SDK1: variants seen among roughly 807,000 people sequenced by gnomAD.
The protein encoded by SDK1 is sidekick cell adhesion molecule 1.
Under a neutral mutation model 245.5 loss-of-function variants are expected in SDK1, and 157 were observed. The ratio of observed to expected loss-of-function variants is 0.64; its 90% CI spans 0.56 to 0.73. The LOEUF (loss-of-function observed/expected upper bound fraction) is 0.73. Among genes scored for constraint, SDK1 ranks in the 30% least tolerant of loss-of-function variants. The pLI is 0.00. For synonymous variants in SDK1, 1,647 were observed against 1,278.5 expected (o/e 1.29, Z -6.15); for missense variants, 3,583 against 3,002.3 (o/e 1.19, Z -4.52).
intron 44 of SDK1, among the ~76,000 whole-genome samples, chr7:4,264,799 A>C (rs528792048): frequency 3.3e-5 from 5 of 151,680 alleles, no homozygotes; most frequent in Admixed American, 3.3e-4. Context: ...GAGACCATGT[A>C]GATTGCTCCT....
chr7:3,358,328 C>G (rs765711962), intron 1 of SDK1, among the ~76,000 whole-genome samples: 2 of 152,056 alleles, frequency 1.3e-5, no homozygotes, highest in Admixed American at 6.5e-5. Flanking sequence ...AGCCCTCATT[C>G]ATTTCTTGTA....
At chr7:4,071,454 C>G (rs7793027) in intron 20 of SDK1, among the ~76,000 whole-genome samples, 10,628 of 152,266 alleles carry the variant, frequency 0.07, 809 homozygotes, top group African/African-American at 0.18. Flanking sequence ...TAGAATTGGA[C>G]ACAATCTGTT....
At chr7:3,888,428 T>C (rs1251208401) in intron 5 of SDK1, among the ~76,000 whole-genome samples, 1 of 152,208 alleles carries the variant, frequency 6.6e-6, no homozygotes, top group African/African-American at 2.4e-5. Flanking sequence ...GCTTATGCTG[T>C]TATTAGTCCT....
intron 8 of SDK1, among the ~76,000 whole-genome samples, chr7:3,959,686 G>C (rs1453819175): frequency 6.6e-6 from 1 of 152,178 alleles, no homozygotes; most frequent in African/African-American, 2.4e-5. Flanking sequence ...TTCTGTGTCT[G>C]AGTTCTCTCA....
intron 19 of SDK1, among the ~76,000 whole-genome samples, chr7:4,065,512 AC>A (rs933269772): frequency 6.6e-6 from 1 of 152,156 alleles, no homozygotes; most frequent in Non-Finnish European, 1.5e-5. Context: ...TGAAAAAAGA[AC>A]AAGTCAGTGC....
At chr7:4,259,590 G>A (rs867564601) in intron 44 of SDK1, among the ~76,000 whole-genome samples, 11 of 152,282 alleles carry the variant, frequency 7.2e-5, no homozygotes, top group South Asian at 2.1e-4. Flanking sequence ...CCGGGCCAGC[G>A]CTTGGCGACC....
chr7:4,206,597 C>G (rs868777451), intron 36 of SDK1, among the ~76,000 whole-genome samples: 2 of 152,162 alleles, frequency 1.3e-5, no homozygotes, highest in Non-Finnish European at 2.9e-5. Flanking sequence ...GGCAGCAGGC[C>G]ATGACAGGAG....
At chr7:4,136,652 G>A (rs1040724343) in intron 28 of SDK1, among the ~76,000 whole-genome samples, 1 of 152,220 alleles carries the variant, frequency 6.6e-6, no homozygotes, top group Non-Finnish European at 1.5e-5. Context: ...TCACCCACCA[G>A]CTGACACCAC....
In SDK1 at chr7:4,226,036, G is replaced by A. The variant is rs552942018; in HGVS notation, c.5827+4672G>A. Among the ~76,000 whole-genome samples the A allele has an allele frequency of 2.0e-5, 3 of 152,290 alleles. No homozygotes were observed. In the South Asian group the frequency reaches 6.2e-4, roughly 32 times the overall value. On this transcript the variant is annotated intron_variant, in intron 40 of 44. Coordinates refer to ENST00000404826, the MANE Select transcript of SDK1 (RefSeq NM_152744.4). ...GCTCAGGCAAATGAAACGCTTTATG[G>A]ATTGTCAATATTTAAGCACCTTGCT...
chr7:3,988,491 G>C (rs10281015), intron 14 of SDK1, among the ~76,000 whole-genome samples: 16,207 of 152,066 alleles, frequency 0.11, 1,027 homozygotes, highest in African/African-American at 0.16. Flanking sequence ...TCCTGCAGGG[G>C]TTCCTGCTGC....
intron 5 of SDK1, among the ~76,000 whole-genome samples, chr7:3,928,344 T>C (rs1179599374): frequency 1.3e-5 from 2 of 152,224 alleles, no homozygotes; most frequent in Admixed American, 6.5e-5. Context: ...TAGTATTATT[T>C]AGTTTAAAAT....
intron 5 of SDK1, among the ~76,000 whole-genome samples, chr7:3,906,233 G>A (rs1040130197): frequency 4.6e-5 from 7 of 151,422 alleles, no homozygotes; most frequent in Admixed American, 1.3e-4. Context: ...CCTTTTCATC[G>A]TGTTCTATTA....
chr7:3,676,290 A>G (rs1449854940), intron 4 of SDK1, among the ~76,000 whole-genome samples: 1 of 149,106 alleles, frequency 6.7e-6, no homozygotes, highest in Non-Finnish European at 1.5e-5. Context: ...AAGTGCTGGA[A>G]TTACACGTAC....
chr7:4,135,863 A>G (rs1779049948), intron 28 of SDK1, among the ~76,000 whole-genome samples: 1 of 152,202 alleles, frequency 6.6e-6, no homozygotes, highest in African/African-American at 2.4e-5. Context: ...CTCCTAGACC[A>G]TTGGGGGCTC....
intron 1 of SDK1, among the ~76,000 whole-genome samples, chr7:3,510,578 C>T (rs766418686): frequency 6.3e-4 from 96 of 152,204 alleles, no homozygotes; most frequent in Non-Finnish European, 1.1e-3. Flanking sequence ...TTTGAGGTTA[C>T]AGAAAGAATA....
intron 22 of SDK1, among the ~76,000 whole-genome samples, chr7:4,101,397 T>C (rs952728484): frequency 2.6e-5 from 4 of 152,194 alleles, no homozygotes; most frequent in African/African-American, 7.2e-5. Flanking sequence ...TCCACCCGCC[T>C]TGGCCTCCCA....
intron 1 of SDK1, among the ~76,000 whole-genome samples, chr7:3,427,932 G>A (rs538801255): frequency 1.5e-4 from 22 of 151,124 alleles, no homozygotes; most frequent in African/African-American, 5.1e-4. Context: ...CATTCCCATA[G>A]TCAGCTATTT....
At chr7:3,645,099 C>T (rs1446689808) in intron 4 of SDK1, among the ~76,000 whole-genome samples, 6 of 152,202 alleles carry the variant, frequency 3.9e-5, no homozygotes, top group Admixed American at 3.9e-4. Context: ...TGAGACAGCA[C>T]TTATTCACGA....
chr7:3,685,150 A>G (rs1003103466), intron 4 of SDK1, among the ~76,000 whole-genome samples: 5 of 152,190 alleles, frequency 3.3e-5, no homozygotes, highest in Admixed American at 3.3e-4. Flanking sequence ...GTGAACCTCA[A>G]ATAGGATAAA....
Sources: allele counts gnomAD v4.1 joint callset (sites outside exome capture counted in the v4.1 genomes callset), GRCh38; gene constraint gnomAD v4.1.1; transcripts MANE v1.5; gene names NCBI Gene and HGNC (gene_info 2026-07-23, HGNC 2026-07-21).